The following DTNBP1 variants were observed in gnomAD, a reference collection of about 807,000 sequenced individuals.
The protein encoded by DTNBP1 is dysbindin.
In DTNBP1, 35 loss-of-function variants were observed where a neutral mutation model predicts 42.8. The observed-to-expected ratio is 0.82, with a 90% CI of 0.63 to 1.09. The LOEUF (loss-of-function observed/expected upper bound fraction) is 1.09, where lower values mean the gene tolerates loss of function less well. Ranked by LOEUF, DTNBP1 falls within the 50% of genes least tolerant of loss-of-function variation. DTNBP1 has a pLI of 0.00. For synonymous variants in DTNBP1, 171 were observed against 162.2 expected (o/e 1.05, Z -0.41); for missense variants, 457 against 424.2 (o/e 1.08, Z -0.68).
At position 15,651,057 on chromosome 6, in the gene DTNBP1, A is replaced by C. The variant is rs77251782; in HGVS notation, c.161+256T>G. The stretch of plus-strand genomic sequence containing the variant: ...ATCCAGAATCAATTTTCTTGTAATA[A>C]AGAAGCCGTACATATTATCATAAAG... On this transcript the variant is annotated intron_variant, in intron 3 of 9. Coordinates refer to ENST00000344537, the MANE Select transcript of DTNBP1 (RefSeq NM_032122.5). Among the ~76,000 whole-genome samples the C allele has an allele frequency of 6.7e-3, 1,018 of 152,320 alleles. 28 individuals carry two copies. In the East Asian group the frequency reaches 0.086, roughly 13 times the overall value.
intron 1 of DTNBP1, among the ~76,000 whole-genome samples, chr6:15,662,417 G>A: frequency 6.6e-6 from 1 of 152,364 alleles, no homozygotes; most frequent in African/African-American, 2.4e-5. Flanking sequence ...GCACGAGCAG[G>A]TGTCTGCTGG....
chr6:15,555,963 C>T (rs1160648589), intron 7 of DTNBP1, among the ~76,000 whole-genome samples: 2 of 152,090 alleles, frequency 1.3e-5, no homozygotes, highest in Non-Finnish European at 2.9e-5. Context: ...ACTGGAGAAA[C>T]CCCGACCCAA....
intron 7 of DTNBP1, among the ~76,000 whole-genome samples, chr6:15,539,302 C>CT (rs1310784214): frequency 6.6e-6 from 1 of 152,224 alleles, no homozygotes; most frequent in African/African-American, 2.4e-5. Flanking sequence ...CCATTTCCTG[C>CT]TACCTCATCC....
At chr6:15,652,207 G>T in intron 1 of DTNBP1, 67 bp from the exon 2 acceptor site, 1 of 1,299,876 alleles carries the variant, frequency 7.7e-7, no homozygotes, top group Non-Finnish European at 1.1e-6. Context: ...TTTGAGACAG[G>T]GTCTCACTCT....
chr6:15,585,334 T>C (rs142040341), intron 7 of DTNBP1, among the ~76,000 whole-genome samples: 112 of 151,670 alleles, frequency 7.4e-4, no homozygotes, highest in Non-Finnish European at 1.0e-3. Flanking sequence ...ATTATTCAAA[T>C]AGCTAGTATT....
intron 4 of DTNBP1, 115 bp downstream of exon 4, chr6:15,637,629 A>G: frequency 8.8e-7 from 1 of 1,139,878 alleles, no homozygotes. Context: ...ATTCAATTTC[A>G]GATATCCTGC....
chr6:15,632,535 A>T (rs1014888196), intron 4 of DTNBP1, among the ~76,000 whole-genome samples: 19 of 152,170 alleles, frequency 1.2e-4, no homozygotes, highest in African/African-American at 3.6e-4. Context: ...AACAACTCGC[A>T]CCCCCAAATA....
At chr6:15,636,957 CA>C (rs1760066061) in intron 4 of DTNBP1, among the ~76,000 whole-genome samples, 1 of 152,064 alleles carries the variant, frequency 6.6e-6, no homozygotes, top group African/African-American at 2.4e-5. Flanking sequence ...TAGGGCTTTT[CA>C]AAGTATCTAT....
chr6:15,585,128 CATT>C (rs1457198967), intron 7 of DTNBP1, among the ~76,000 whole-genome samples: 1 of 134,390 alleles, frequency 7.4e-6, no homozygotes, highest in African/African-American at 2.9e-5. Context: ...CTGTATGAAG[CATT>C]ATGACATTTT....
intron 7 of DTNBP1, among the ~76,000 whole-genome samples, chr6:15,534,549 A>G (rs1773095186): frequency 6.6e-6 from 1 of 150,930 alleles, no homozygotes; most frequent in Admixed American, 6.6e-5. Context: ...ATTCCCAGCT[A>G]CTCAGGAGAC....
intron 8 of DTNBP1, among the ~76,000 whole-genome samples, chr6:15,525,897 A>C (rs1772349333): frequency 6.6e-6 from 1 of 152,208 alleles, no homozygotes; most frequent in Non-Finnish European, 1.5e-5. Flanking sequence ...CCCAGATTTA[A>C]AAAGCAAAAC....
chr6:15,609,908 T>C (rs1405250575), intron 6 of DTNBP1, among the ~76,000 whole-genome samples: 1 of 152,204 alleles, frequency 6.6e-6, no homozygotes, highest in Non-Finnish European at 1.5e-5. Flanking sequence ...TCTTGTGGGC[T>C]GGTCAAGTGC....
intron 6 of DTNBP1, among the ~76,000 whole-genome samples, chr6:15,607,230 C>T (rs1272378219): frequency 6.6e-6 from 1 of 151,902 alleles, no homozygotes; most frequent in Non-Finnish European, 1.5e-5. Flanking sequence ...CGGCTGGTCT[C>T]GAACTCCTGA....
intron 8 of DTNBP1, among the ~76,000 whole-genome samples, chr6:15,530,529 C>T (rs57160689): frequency 0.026 from 3,986 of 152,308 alleles, 194 homozygotes; most frequent in African/African-American, 0.09. Context: ...ATCTGCTAGA[C>T]GCGTTCTCTC....
intron 6 of DTNBP1, among the ~76,000 whole-genome samples, chr6:15,600,751 C>T (rs1165858325): frequency 1.3e-5 from 2 of 152,028 alleles, no homozygotes; most frequent in African/African-American, 2.4e-5. Flanking sequence ...ATGAAGACTC[C>T]CATATTTGTG....
intron 7 of DTNBP1, among the ~76,000 whole-genome samples, chr6:15,554,833 T>C (rs954828362): frequency 1.3e-5 from 2 of 152,162 alleles, no homozygotes; most frequent in South Asian, 4.1e-4. Flanking sequence ...CAGAAAACCC[T>C]TGCTGTGCAG....
At chr6:15,549,491 TAAAA>T (rs1171397685) in intron 7 of DTNBP1, among the ~76,000 whole-genome samples, 4 of 77,978 alleles carry the variant, frequency 5.1e-5, no homozygotes, top group African/African-American at 1.5e-4. Flanking sequence ...TCTCAGGGAT[TAAAA>T]AAAAAAAAAA....
chr6:15,648,374 C>T (rs1264491629), intron 3 of DTNBP1, among the ~76,000 whole-genome samples: 4 of 152,088 alleles, frequency 2.6e-5, no homozygotes, highest in Admixed American at 2.6e-4. Flanking sequence ...TTCGATTCAA[C>T]ACAGTACTGG....
intron 6 of DTNBP1, among the ~76,000 whole-genome samples, chr6:15,594,325 T>A: frequency 6.6e-6 from 1 of 150,986 alleles, no homozygotes; most frequent in East Asian, 1.9e-4. Flanking sequence ...ATTAGCCGGG[T>A]GTGGTGGTGG....
Sources: allele counts gnomAD v4.1 joint callset (sites outside exome capture counted in the v4.1 genomes callset), GRCh38; gene constraint gnomAD v4.1.1; transcripts MANE v1.5; gene names NCBI Gene and HGNC (gene_info 2026-07-23, HGNC 2026-07-21).